Variants in LGR4 observed in about 807,000 individuals in gnomAD.
LGR4 encodes leucine rich repeat containing G protein-coupled receptor 4.
In LGR4, 44 loss-of-function variants were observed where a neutral mutation model predicts 84.8. The ratio of observed to expected loss-of-function variants is 0.52; its 90% CI spans 0.41 to 0.67. The LOEUF (loss-of-function observed/expected upper bound fraction) is 0.67. LGR4 is among the 30% of genes least tolerant of loss of function. The pLI, the probability that LGR4 is intolerant of heterozygous loss-of-function variation, is 0.00. For missense variants in LGR4, 1,032 were observed against 1,131.4 expected, an observed-to-expected ratio of 0.91 and a Z score of 1.26; for synonymous variants, 429 against 434.3, an observed-to-expected ratio of 0.99 and a Z score of 0.15.
intron 1 of LGR4, among the ~76,000 whole-genome samples, chr11:27,469,594 T>C (rs2133465121): frequency 6.6e-6 from 1 of 152,316 alleles, no homozygotes; most frequent in South Asian, 2.1e-4. Flanking sequence ...GTGAAAGCAC[T>C]ACTCCAGGAC....
chr11:27,396,700 C>T (rs1863396999), intron 2 of LGR4, among the ~76,000 whole-genome samples: 1 of 152,138 alleles, frequency 6.6e-6, no homozygotes, highest in Admixed American at 6.6e-5. Flanking sequence ...TACTTCAGGA[C>T]CTATTGGCTG....
chr11:27,368,516 T>C lies in LGR4; in HGVS notation c.2207A>G (p.Asp736Gly). The C allele has an allele frequency of 1.2e-6, 2 of 1,614,070 alleles. No homozygotes were observed. Among genetic ancestry groups the C allele is most frequent in the Middle Eastern group, 1.6e-4 (1 of 6,062 alleles). Residue 736 changes from aspartate to glycine, a missense_variant, in exon 18 of 18, where the codon GAC becomes GGC. Physicochemically the swap from Asp to Gly is moderately conservative, Grantham distance 94. Transcript: ENST00000379214. ...TKLYCNLEKE[D>G]LSENSQSSMI... ...GCTAGATTGTGAGTTTTCTGAGAGG[T>C]CCTCTTTTTCCAAGTTGCAGTATAG...
In LGR4 at chr11:27,385,203, TG is replaced by T. The variant is rs750244777; in HGVS notation, c.617+49del. 4 of 1,290,186 alleles carry T rather than the reference TG, an allele frequency of 3.1e-6. No individual in the cohort carries two copies. The Admixed American group carries it at 7.6e-5, about 24-fold the overall frequency. 79.9% of individuals were successfully genotyped at this position (1,290,186 alleles called of 1,614,324 possible). A position where few individuals can be genotyped will look rare whatever the true frequency, so the allele number is the denominator to read the frequency against. ...TAATCTGTCAGAAGAAATCTGTTTT[TG>T]TACCCCAATTAACACAAATATATGG... On this transcript the variant is annotated intron_variant, in intron 5 of 17. Coordinates refer to ENST00000379214, the MANE Select transcript of LGR4 (RefSeq NM_018490.5).
intron 1 of LGR4, among the ~76,000 whole-genome samples, chr11:27,447,049 G>T (rs566619199): frequency 5.3e-5 from 8 of 151,294 alleles, no homozygotes; most frequent in African/African-American, 1.9e-4. Context: ...GTCAGGGGAG[G>T]GGGGAGGGAT....
In LGR4 at chr11:27,368,295, C is replaced by T; in HGVS notation, c.2428G>A (p.Glu810Lys). Residue 810 changes from glutamate to lysine, a missense_variant, in exon 18 of 18, where the codon GAA (glutamate) becomes AAA (lysine). Physicochemically the swap from Glu to Lys is moderately conservative, Grantham distance 56 (BLOSUM62 1). Transcript: ENST00000379214. ...LYVFFNPKFK[E>K]DWKLLKRRVT... The stretch of plus-strand genomic sequence containing the variant: ...CGTCGCTTCAGTAACTTCCAGTCTT[C>T]TTTAAACTTTGGGTTGAAGAAAACA... 6.2e-7 allele frequency: 1 copy of T among 1,614,204 alleles called. No individual in the cohort carries two copies.
Position 27,472,088 on chromosome 11 carries a change from C to T in LGR4, c.185+30G>A, listed in dbSNP as rs1009840631. ...CCCCGCTGGGCCCCGTTTCCTCCCCCCCCCTCGCGTCCCCGCCGCCCGCAC... is the reference window on the plus strand; with the variant it reads ...CCCCGCTGGGCCCCGTTTCCTCCCCTCCCCTCGCGTCCCCGCCGCCCGCAC... On this transcript the variant is annotated intron_variant, in intron 1 of 17. Coordinates refer to ENST00000379214, the MANE Select transcript of LGR4 (RefSeq NM_018490.5). The T allele has an allele frequency of 1.6e-5, 21 of 1,284,450 alleles. 1 individual carries two copies. Among genetic ancestry groups the T allele is most frequent in the South Asian group, 6.6e-5 (3 of 45,210 alleles). 79.6% of individuals were successfully genotyped at this position (1,284,450 alleles called of 1,614,324 possible).
Position 27,366,475 on chromosome 11 carries a change from C to A in LGR4, c.*1392G>T, listed in dbSNP as rs754060277. ...AAATAATTTACATAAGATAAAAATTCATTATATGCACAGTATGTACAGTTT... is the reference window on the plus strand; with the variant it reads ...AAATAATTTACATAAGATAAAAATTAATTATATGCACAGTATGTACAGTTT... On this transcript the variant is annotated 3_prime_UTR_variant, in exon 18 of 18. Coordinates refer to ENST00000379214, the MANE Select transcript of LGR4 (RefSeq NM_018490.5). 1.3e-5 allele frequency: 2 copies of A among 152,448 alleles called. No individual in the cohort carries two copies. Among genetic ancestry groups the A allele is most frequent in the Non-Finnish European group, 2.9e-5 (2 of 67,918 alleles). 9.4% of individuals were successfully genotyped at this position (152,448 alleles called of 1,614,324 possible).
intron 2 of LGR4, among the ~76,000 whole-genome samples, chr11:27,393,946 G>A (rs983457429): frequency 7.8e-6 from 1 of 127,700 alleles, no homozygotes; most frequent in African/African-American, 2.9e-5. Context: ...GATTGGGGGG[G>A]GGGGGGGGCG....
At chr11:27,379,743 G>A (rs1043235788) in intron 10 of LGR4, among the ~76,000 whole-genome samples, 1 of 152,124 alleles carries the variant, frequency 6.6e-6, no homozygotes, top group Non-Finnish European at 1.5e-5. Flanking sequence ...AATGTGCAAC[G>A]TTCAAAGCTT....
intron 1 of LGR4, among the ~76,000 whole-genome samples, chr11:27,447,916 A>G (rs1435861144): frequency 6.6e-6 from 1 of 152,224 alleles, no homozygotes. Context: ...AGAAAGTAAT[A>G]GGGTTTATGC....
intron 1 of LGR4, among the ~76,000 whole-genome samples, chr11:27,454,252 T>C (rs1464680028): frequency 6.6e-6 from 1 of 152,202 alleles, no homozygotes; most frequent in Non-Finnish European, 1.5e-5. Flanking sequence ...CTCACAGGTA[T>C]TGATTGATAT....
intron 1 of LGR4, among the ~76,000 whole-genome samples, chr11:27,414,505 A>G (rs1399609117): frequency 6.6e-6 from 1 of 152,164 alleles, no homozygotes. Context: ...ATTTCCCTTT[A>G]GATGAGTCTT....
chr11:27,467,566 C>CAAAAAAAAAAAAAAAAAAAAAAAA (rs761925670), intron 1 of LGR4, among the ~76,000 whole-genome samples: 19 of 51,838 alleles, frequency 3.7e-4, no homozygotes, highest in African/African-American at 9.3e-4. Context: ...GAGTCCGTCT[C>CAAAAAAAAAAAAAAAAAAAAAAAA]AAAAAAAAAA....
intron 4 of LGR4, among the ~76,000 whole-genome samples, chr11:27,389,712 T>C (rs1164180231): frequency 1.3e-5 from 2 of 152,126 alleles, no homozygotes; most frequent in African/African-American, 2.4e-5. Context: ...AAAGAAAACA[T>C]GACTATTTAA....
At chr11:27,431,727 T>C (rs1472965396) in intron 1 of LGR4, among the ~76,000 whole-genome samples, 8 of 152,168 alleles carry the variant, frequency 5.3e-5, no homozygotes, top group African/African-American at 1.4e-4. Context: ...TACTAATCCG[T>C]GTAAGATGAC....
At chr11:27,443,939 C>A (rs1189712835) in intron 1 of LGR4, among the ~76,000 whole-genome samples, 1 of 152,164 alleles carries the variant, frequency 6.6e-6, no homozygotes, top group Non-Finnish European at 1.5e-5. Flanking sequence ...GGATGGTCAG[C>A]TAGCTGAGCC....
At position 27,367,007 on chromosome 11, in the gene LGR4, C is replaced by A. The variant is rs754753113; in HGVS notation, c.*860G>T. The A allele has an allele frequency of 6.6e-6, 1 of 152,104 alleles. No homozygotes were observed. Among genetic ancestry groups the A allele is most frequent in the Non-Finnish European group, 1.5e-5 (1 of 68,004 alleles). 9.4% of individuals were successfully genotyped at this position (152,104 alleles called of 1,614,324 possible). A position where few individuals can be genotyped will look rare whatever the true frequency, so the allele number is the denominator to read the frequency against. On this transcript the variant is annotated 3_prime_UTR_variant, in exon 18 of 18. Transcript: ENST00000379214. ...AATTGGAAAATATTAGTAGAGCCAA[C>A]GATATTAGGAAGTATTCATTAATGA...
chr11:27,385,539 TC>T, intron 4 of LGR4, 71 bp from the exon 5 acceptor site: 1 of 909,520 alleles, frequency 1.1e-6, no homozygotes, highest in Non-Finnish European at 1.6e-6. Flanking sequence ...GTCTCACAAC[TC>T]AAAGCTTTCA....
chr11:27,378,750 C>A lies in LGR4; in HGVS notation c.990G>T (p.Lys330Asn). 1 of 1,611,696 alleles carries A rather than the reference C, an allele frequency of 6.2e-7. No individual in the cohort carries two copies. Among genetic ancestry groups the A allele is most frequent in the Non-Finnish European group, 8.5e-7 (1 of 1,178,688 alleles). The change falls in exon 11 of 18, where the codon AAG becomes AAT. Residue 330 changes from lysine to asparagine, a missense_variant. Physicochemically the swap from Lys to Asn is moderately conservative, Grantham distance 94. Transcript: ENST00000379214. Reference protein sequence around the residue: ...HLESLTLTGTKISSIPNNLCQ... With the variant: ...HLESLTLTGTNISSIPNNLCQ... The stretch of plus-strand genomic sequence containing the variant: ...ACAAATTATTAGGTATGCTGCTTAT[C>A]TTTGTACCTGTCAAAGTCCTGCGGA...
Sources: gnomAD v4.1 joint callset for allele counts (sites outside exome capture counted in the v4.1 genomes callset) on GRCh38, gnomAD v4.1.1 for gene constraint, MANE v1.5 for transcripts, NCBI Gene and HGNC (gene_info 2026-07-23, HGNC 2026-07-21) for gene names.